Variants in IGF1R observed in about 807,000 individuals in gnomAD.
The protein encoded by IGF1R is insulin like growth factor 1 receptor, also known as insulin-like growth factor 1 receptor.
IGF1R carries 44 observed loss-of-function variants against 144.6 expected under a neutral mutation model. The observed-to-expected ratio is 0.30, with a 90% CI of 0.24 to 0.39. The LOEUF is 0.39. Ranked by LOEUF, IGF1R falls within the 10% of genes least tolerant of loss-of-function variation. IGF1R has a pLI of 1.00. For missense variants in IGF1R, 1,355 were observed against 1,833.7 expected (o/e 0.74, Z 4.77); for synonymous variants, 795 against 722.8 (o/e 1.10, Z -1.60).
chr15:98,882,266 G>A lies in IGF1R; in HGVS notation c.641-9059G>A, dbSNP rs189530065. 1.6e-4 allele frequency among the ~76,000 whole-genome samples: 24 copies of A among 152,358 alleles called. 1 individual carries two copies. The highest frequency in any genetic ancestry group is 9.1e-4 in the Admixed American group (14 of 15,306). On this transcript the variant is annotated intron_variant, in intron 2 of 20. Transcript: ENST00000650285. Reference sequence around the variant, plus strand: ...ACAAAGCAGCACTCACTTCCCCTGCGTGTCAGACACCTGCATGAGGGCTGG... The same window carrying A: ...ACAAAGCAGCACTCACTTCCCCTGCATGTCAGACACCTGCATGAGGGCTGG...
chr15:98,939,644 T>C (rs2016292512), intron 18 of IGF1R, among the ~76,000 whole-genome samples: 2 of 152,220 alleles, frequency 1.3e-5, no homozygotes, highest in South Asian at 4.1e-4. Context: ...CTCTTAGCAT[T>C]GGTTACAGAA....
chr15:98,748,953 G>A (rs566498761), intron 2 of IGF1R, among the ~76,000 whole-genome samples: 3 of 152,162 alleles, frequency 2.0e-5, no homozygotes, highest in Non-Finnish European at 4.4e-5. Flanking sequence ...CATATTGCAC[G>A]TGGAATATCT....
At chr15:98,943,909 A>T (rs1293684421) in intron 19 of IGF1R, among the ~76,000 whole-genome samples, 1 of 152,060 alleles carries the variant, frequency 6.6e-6, no homozygotes, top group Non-Finnish European at 1.5e-5. Flanking sequence ...TAAACCTTTC[A>T]CAGTTCAGGG....
At chr15:98,860,494 A>G (rs2012089443) in intron 2 of IGF1R, among the ~76,000 whole-genome samples, 2 of 152,192 alleles carry the variant, frequency 1.3e-5, no homozygotes, top group Admixed American at 1.3e-4. Flanking sequence ...CTACTGCACC[A>G]GTTTTTGTGC....
chr15:98,711,974 C>T (rs75451760), intron 2 of IGF1R, among the ~76,000 whole-genome samples: 1 of 152,054 alleles, frequency 6.6e-6, no homozygotes, highest in East Asian at 1.9e-4. Context: ...TTTTTTCTGG[C>T]GTCTTTTTTA....
intron 5 of IGF1R, among the ~76,000 whole-genome samples, chr15:98,906,282 G>T (rs1484882586): frequency 6.6e-6 from 1 of 152,232 alleles, no homozygotes; most frequent in Non-Finnish European, 1.5e-5. Context: ...TATGAAAAGA[G>T]GCCTGGTTCT....
intron 2 of IGF1R, among the ~76,000 whole-genome samples, chr15:98,850,986 G>C: frequency 6.6e-6 from 1 of 152,140 alleles, no homozygotes; most frequent in Non-Finnish European, 1.5e-5. Context: ...AAGTAGAGTC[G>C]GAGTACAGTG....
At chr15:98,909,713 C>T (rs12439656) in intron 6 of IGF1R, among the ~76,000 whole-genome samples, 29,037 of 152,180 alleles carry the variant, frequency 0.19, 3,016 homozygotes, top group Non-Finnish European at 0.24. Flanking sequence ...TACACTCGGC[C>T]GCCTTGTTTC....
intron 2 of IGF1R, among the ~76,000 whole-genome samples, chr15:98,878,662 T>TAA (rs2013184579): frequency 6.3e-5 from 1 of 15,752 alleles, no homozygotes; most frequent in Non-Finnish European, 1.2e-4. Context: ...TGTGAAAGAC[T>TAA]CAAAAAAAAA....
At chr15:98,952,183 C>G (rs1452230632) in intron 20 of IGF1R, among the ~76,000 whole-genome samples, 1 of 152,098 alleles carries the variant, frequency 6.6e-6, no homozygotes. Flanking sequence ...CACTGAGGCT[C>G]TCACCTTCTC....
At chr15:98,685,781 C>T (rs964048294) in intron 1 of IGF1R, among the ~76,000 whole-genome samples, 8 of 152,212 alleles carry the variant, frequency 5.3e-5, no homozygotes, top group Non-Finnish European at 1.0e-4. Context: ...ACCACTCCAC[C>T]GCAGGTAGCC....
In IGF1R at chr15:98,939,128, A is replaced by G. The variant is rs2016268913; in HGVS notation, c.3298-73A>G. The G allele has an allele frequency of 2.3e-6, 3 of 1,321,190 alleles. No individual in the cohort carries two copies. In the African/African-American group the frequency reaches 4.4e-5, roughly 19 times the overall value. 81.8% of individuals were successfully genotyped at this position (1,321,190 alleles called of 1,614,324 possible). On this transcript the variant is annotated intron_variant, in intron 17 of 20. Coordinates refer to ENST00000650285, the MANE Select transcript of IGF1R (RefSeq NM_000875.5). ...CCCAGATTGAACAAAGATGATATGC[A>G]AACCTCGAAAGAAATTGGCATGGAA...
chr15:98,714,554 G>T (rs1356608101), intron 2 of IGF1R, among the ~76,000 whole-genome samples: 1 of 152,062 alleles, frequency 6.6e-6, no homozygotes, highest in African/African-American at 2.4e-5. Flanking sequence ...GCTGAGATGG[G>T]AGGATCCGCC....
At chr15:98,649,702 C>T (rs769984992) in intron 1 of IGF1R, 27 bp downstream of exon 1, 3 of 1,556,036 alleles carry the variant, frequency 1.9e-6, no homozygotes, top group East Asian at 2.3e-5. Context: ...CGCCCGCGGC[C>T]ACTGCGGGAA....
chr15:98,708,777 C>A (rs1424777160), intron 2 of IGF1R, among the ~76,000 whole-genome samples: 3 of 152,160 alleles, frequency 2.0e-5, no homozygotes, highest in Non-Finnish European at 4.4e-5. Flanking sequence ...ATTTTTAAAC[C>A]TCTGGGATTC....
At chr15:98,794,741 G>A (rs922424146) in intron 2 of IGF1R, among the ~76,000 whole-genome samples, 2 of 152,160 alleles carry the variant, frequency 1.3e-5, no homozygotes, top group African/African-American at 4.8e-5. Context: ...TAATTTCAGA[G>A]CCCTTCATCT....
chr15:98,784,354 G>A (rs1022814028), intron 2 of IGF1R: 2 of 152,402 alleles, frequency 1.3e-5, no homozygotes, highest in Non-Finnish European at 2.9e-5. Context: ...TACCCCTCTG[G>A]GGAGTCCAGG....
intron 20 of IGF1R, 59 bp downstream of exon 20, chr15:98,948,767 C>A: frequency 1.3e-6 from 2 of 1,585,018 alleles, no homozygotes. Flanking sequence ...TACCTGTTTT[C>A]TTGGGTCACA....
At chr15:98,772,018 A>T (rs1163211672) in intron 2 of IGF1R, among the ~76,000 whole-genome samples, 1 of 152,122 alleles carries the variant, frequency 6.6e-6, no homozygotes, top group Non-Finnish European at 1.5e-5. Flanking sequence ...AGGAAAGCCC[A>T]GCTTGCACAG....
Sources: gnomAD v4.1 joint callset for allele counts (sites outside exome capture counted in the v4.1 genomes callset) on GRCh38, gnomAD v4.1.1 for gene constraint, MANE v1.5 for transcripts, NCBI Gene and HGNC (gene_info 2026-07-23, HGNC 2026-07-21) for gene names.